The following MLANA variants were observed in gnomAD, a reference collection of about 807,000 sequenced individuals.
The protein encoded by MLANA is melan-A.
MLANA carries 21 observed loss-of-function variants against 15.7 expected under a neutral mutation model. The ratio of observed to expected loss-of-function variants is 1.33; its 90% CI spans 0.95 to 1.92. MLANA has a LOEUF of 1.92. MLANA is among the 40% of genes most tolerant of loss of function. The pLI is 0.00. For synonymous variants in MLANA, 56 were observed against 51.5 expected (o/e 1.09, Z -0.37); for missense variants, 164 against 143.8 (o/e 1.14, Z -0.72).
intron 3 of MLANA, among the ~76,000 whole-genome samples, chr9:5,905,062 C>T (rs537096704): frequency 1.1e-4 from 17 of 152,314 alleles, no homozygotes; most frequent in South Asian, 6.2e-4. Context: ...TGTGAGCCAC[C>T]GTGCCCGGCC....
chr9:5,893,819 T>C (rs542713053), intron 2 of MLANA, among the ~76,000 whole-genome samples: 2 of 152,158 alleles, frequency 1.3e-5, no homozygotes, highest in South Asian at 4.2e-4. Flanking sequence ...CACCTCCACA[T>C]CTTGCCAACA....
rs1563822393 is a variant in MLANA, at chr9:5,906,908, T to A, written c.198T>A (p.Thr66=). The A allele has an allele frequency of 6.3e-7, 1 of 1,586,844 alleles. No homozygotes were observed. ...ALMDKSLHVG[T]QCALTRRCPQ... is the part of the protein sequence containing the mutation. ...AGGATAAAAGTCTTCATGTTGGCACTCAATGTGCCTTAACAAGAAGATGCC... is the reference window on the plus strand; with the variant it reads ...AGGATAAAAGTCTTCATGTTGGCACACAATGTGCCTTAACAAGAAGATGCC... The change falls in exon 4 of 5, where the codon ACT becomes ACA. Residue 66 remains threonine, a synonymous_variant. Transcript: ENST00000381477.
At chr9:5,900,033 A>G (rs1832313206) in intron 3 of MLANA, among the ~76,000 whole-genome samples, 1 of 152,232 alleles carries the variant, frequency 6.6e-6, no homozygotes, top group Non-Finnish European at 1.5e-5. Flanking sequence ...GTATATCAAA[A>G]ACAAAATGTT....
chr9:5,891,821 C>T lies in MLANA; in HGVS notation c.-25-629C>T, dbSNP rs138441517. Reference sequence around the variant, plus strand: ...GATAAAGTCAGGTCCTGGGCTTCCTCGGCTTGTTTTGGGTGGAGTGCCTGG... The same window carrying T: ...GATAAAGTCAGGTCCTGGGCTTCCTTGGCTTGTTTTGGGTGGAGTGCCTGG... On this transcript the variant is annotated intron_variant, in intron 1 of 4. Coordinates refer to ENST00000381477, the MANE Select transcript of MLANA (RefSeq NM_005511.2). Among the ~76,000 whole-genome samples the T allele has an allele frequency of 8.4e-3, 1,281 of 152,288 alleles. 8 individuals carry two copies. Among genetic ancestry groups the T allele is most frequent in the Non-Finnish European group, 0.012 (783 of 68,024 alleles).
rs1563820166 is a variant in MLANA at position 5,904,958 on chromosome 9, AGAGAT to A, written c.175-1925_175-1921del. Among the ~76,000 whole-genome samples the A allele has an allele frequency of 2.6e-5, 4 of 151,784 alleles. No homozygotes were observed. In the East Asian group the frequency reaches 7.8e-4, roughly 30 times the overall value. On this transcript the variant is annotated intron_variant, in intron 3 of 4. Transcript: ENST00000381477. ...CTGGCTAATTTTTTGTATTTATAGTAGAGATGTCATTTCACTGTGTTAGCCAGGAT... is the reference window on the plus strand; with the variant it reads ...CTGGCTAATTTTTTGTATTTATAGTAGTCATTTCACTGTGTTAGCCAGGAT...
At chr9:5,901,188 T>C (rs550151933) in intron 3 of MLANA, among the ~76,000 whole-genome samples, 5 of 152,290 alleles carry the variant, frequency 3.3e-5, no homozygotes, top group South Asian at 2.1e-4. Context: ...TATTTTTTTT[T>C]CCCAATCAGT....
chr9:5,898,489 G>A (rs191391018), intron 3 of MLANA, among the ~76,000 whole-genome samples: 3 of 152,264 alleles, frequency 2.0e-5, no homozygotes, highest in East Asian at 1.9e-4. Context: ...TTGCATTGGG[G>A]ATTAAGTTTC....
intron 2 of MLANA, among the ~76,000 whole-genome samples, chr9:5,896,217 C>T (rs1400859798): frequency 3.9e-5 from 6 of 152,210 alleles, no homozygotes; most frequent in South Asian, 2.1e-4. Flanking sequence ...AACATCATTC[C>T]TAACTCCGAG....
chr9:5,903,858 A>G (rs1406743565), intron 3 of MLANA, among the ~76,000 whole-genome samples: 1 of 149,662 alleles, frequency 6.7e-6, no homozygotes, highest in Non-Finnish European at 1.5e-5. Flanking sequence ...TTTTCTATGC[A>G]CTTACTTTTT....
At chr9:5,896,238 A>G (rs1255549603) in intron 2 of MLANA, among the ~76,000 whole-genome samples, 4 of 152,252 alleles carry the variant, frequency 2.6e-5, no homozygotes, top group African/African-American at 9.6e-5. Flanking sequence ...GACTGTGGTT[A>G]GGATGAAATA....
intron 3 of MLANA, chr9:5,899,223 A>G (rs1832253292): frequency 6.6e-6 from 1 of 152,196 alleles, no homozygotes. Flanking sequence ...CCCATTCCTC[A>G]TTCAGCAAGC....
At chr9:5,905,992 C>G (rs1207716959) in intron 3 of MLANA, among the ~76,000 whole-genome samples, 1 of 151,800 alleles carries the variant, frequency 6.6e-6, no homozygotes, top group African/African-American at 2.4e-5. Context: ...ATAAGCATAC[C>G]TAATTAAATA....
In MLANA at chr9:5,908,920, CAATA is replaced by C. The variant is rs1186664261; in HGVS notation, c.*216_*219del. On this transcript the variant is annotated 3_prime_UTR_variant, in exon 5 of 5. Transcript: ENST00000381477. ...AAATATTAAATTGGGAAAACTCCAT[CAATA>C]AATGTTGCAATGCATGATACTATCT... 2 of 547,492 alleles carry C rather than the reference CAATA, an allele frequency of 3.7e-6. No individual in the cohort carries two copies. The highest frequency in any genetic ancestry group is 6.5e-6 in the Non-Finnish European group (2 of 310,012). The allele number at this position is 547,492 out of a possible 1,614,324, so 33.9% of individuals were successfully genotyped here.
rs372061292 is a variant in MLANA at position 5,906,942 on chromosome 9, G to C, written c.232G>C (p.Gly78Arg). 1 of 1,597,894 alleles carries C rather than the reference G, an allele frequency of 6.3e-7. No individual in the cohort carries two copies. Among genetic ancestry groups the C allele is most frequent in the Non-Finnish European group, 8.5e-7 (1 of 1,173,612 alleles). Residue 78 changes from glycine to arginine, a missense_variant, in exon 4 of 5, where the codon GGG becomes CGG. Gly to Arg is a moderately radical substitution (Grantham distance 125). Transcript: ENST00000381477. ...CALTRRCPQE[G>R]FDHRDSKVSL... is the part of the protein sequence containing the mutation. ...CTTAACAAGAAGATGCCCACAAGAA[G>C]GGTTTGATCATCGGGACAGCAAAGT...
At chr9:5,898,715 C>G (rs1172074696) in intron 3 of MLANA, among the ~76,000 whole-genome samples, 5 of 152,162 alleles carry the variant, frequency 3.3e-5, no homozygotes, top group African/African-American at 9.7e-5. Flanking sequence ...TTCTGTTACT[C>G]CACTTTGTGA....
In MLANA at chr9:5,910,437, A is replaced by G. The variant is rs1424828120; in HGVS notation, c.*1729A>G. On this transcript the variant is annotated 3_prime_UTR_variant, in exon 5 of 5. Coordinates refer to ENST00000381477, the MANE Select transcript of MLANA (RefSeq NM_005511.2). ...CTGTCAAGTCTTACTACTTAAAATAAGGCTTCCACCTCTCCCACTTCAAAC... is the reference window on the plus strand; with the variant it reads ...CTGTCAAGTCTTACTACTTAAAATAGGGCTTCCACCTCTCCCACTTCAAAC... 6.6e-6 allele frequency: 1 copy of G among 152,222 alleles called. No individual in the cohort carries two copies. The highest frequency in any genetic ancestry group is 1.5e-5 in the Non-Finnish European group (1 of 68,044). The allele number at this position is 152,222 out of a possible 1,614,324, so 9.4% of individuals were successfully genotyped here. A position where few individuals can be genotyped will look rare whatever the true frequency, so the allele number is the denominator to read the frequency against.
intron 3 of MLANA, chr9:5,897,937 T>C: frequency 3.2e-6 from 1 of 313,620 alleles, no homozygotes; most frequent in African/African-American, 2.1e-5. Context: ...GGTTTACAGT[T>C]GGGAGGCTGG....
rs149543135 is a variant in MLANA at position 5,908,786 on chromosome 9, T to C, written c.*78T>C. ...TTGAATTTAATACAGACATCTAATG[T>C]TCTCCTTTGGAATGGTGTAGGAAAA... is the stretch of plus-strand genomic sequence containing the variant. On this transcript the variant is annotated 3_prime_UTR_variant, in exon 5 of 5. Transcript: ENST00000381477. 74 of 1,397,340 alleles carry C rather than the reference T, an allele frequency of 5.3e-5. No individual in the cohort carries two copies. In the African/African-American group the frequency reaches 9.5e-4, roughly 18 times the overall value. 86.6% of individuals were successfully genotyped at this position (1,397,340 alleles called of 1,614,324 possible). A position where few individuals can be genotyped will look rare whatever the true frequency, so the allele number is the denominator to read the frequency against.
chr9:5,891,442 A>T (rs1402641435), intron 1 of MLANA: 1 of 152,222 alleles, frequency 6.6e-6, no homozygotes, highest in African/African-American at 2.4e-5. Flanking sequence ...TGGGAAGGGC[A>T]AATTACACAT....
Sources: gnomAD v4.1 joint callset for allele counts (sites outside exome capture counted in the v4.1 genomes callset) on GRCh38, gnomAD v4.1.1 for gene constraint, MANE v1.5 for transcripts, NCBI Gene and HGNC (gene_info 2026-07-23, HGNC 2026-07-21) for gene names.